SLCO1A2: variants seen among roughly 807,000 people sequenced by gnomAD.
SLCO1A2 encodes the protein OATP-1.
A neutral mutation model predicts 69.0 loss-of-function variants in SLCO1A2; 67 were observed. The ratio of observed to expected loss-of-function variants is 0.97; its 90% CI spans 0.80 to 1.19. The LOEUF (loss-of-function observed/expected upper bound fraction) is 1.19, where lower values mean the gene tolerates loss of function less well. Ranked by LOEUF, SLCO1A2 falls within the 50% of genes most tolerant of loss-of-function variation. SLCO1A2 has a pLI of 0.00. For synonymous variants in SLCO1A2, 260 were observed against 265.9 expected (o/e 0.98, Z 0.22); for missense variants, 787 against 793.7 (o/e 0.99, Z 0.10).
intron 8 of SLCO1A2, among the ~76,000 whole-genome samples, chr12:21,298,969 G>A (rs1306926842): frequency 1.3e-5 from 2 of 152,098 alleles, no homozygotes; most frequent in African/African-American, 4.8e-5. Context: ...ACTTATGGGT[G>A]ATGATAGAAA....
intron 3 of SLCO1A2, among the ~76,000 whole-genome samples, chr12:21,316,683 T>G (rs1307445555): frequency 6.6e-6 from 1 of 152,186 alleles, no homozygotes; most frequent in Non-Finnish European, 1.5e-5. Context: ...CCTTAAATGT[T>G]TGTGCAGCTC....
chr12:21,364,386 T>C (rs1037393378), intron 2 of SLCO1A2, among the ~76,000 whole-genome samples: 1 of 152,204 alleles, frequency 6.6e-6, no homozygotes, highest in Non-Finnish European at 1.5e-5. Context: ...TAGGTATTGA[T>C]GGGATGTATC....
rs151271361 is a variant in SLCO1A2, at chr12:21,352,300, T to A, written c.-62-17591A>T. 1.8e-3 allele frequency among the ~76,000 whole-genome samples: 280 copies of A among 152,260 alleles called. 1 individual carries two copies. Among genetic ancestry groups the A allele is most frequent in the African/African-American group, 6.5e-3 (270 of 41,558 alleles). On this transcript the variant is annotated intron_variant, in intron 2 of 15. Coordinates refer to the SLCO1A2 transcript ENST00000307378. ...GCAGTTAGACAAAATTCTATGAGGT[T>A]TGAGCCATTAAAAGCCCTATAGGGC...
intron 2 of SLCO1A2, among the ~76,000 whole-genome samples, chr12:21,372,536 T>C (rs1278217290): frequency 6.6e-6 from 1 of 152,202 alleles, no homozygotes; most frequent in East Asian, 1.9e-4. Context: ...GGTTTAGATA[T>C]ACCAAAAGTC....
intron 1 of SLCO1A2, among the ~76,000 whole-genome samples, chr12:21,385,966 A>G (rs1473343293): frequency 1.3e-5 from 2 of 152,234 alleles, no homozygotes; most frequent in Non-Finnish European, 2.9e-5. Flanking sequence ...TGGAGTACCC[A>G]GATATTCAAA....
chr12:21,294,403 G>T (rs1041671652), intron 10 of SLCO1A2: 5 of 197,030 alleles, frequency 2.5e-5, no homozygotes, highest in African/African-American at 1.2e-4. Flanking sequence ...ATTAGATCTC[G>T]AAAGATGAAG....
At chr12:21,394,892 T>C (rs1418185278) in intron 1 of SLCO1A2, 1 of 152,206 alleles carries the variant, frequency 6.6e-6, no homozygotes, top group African/African-American at 2.4e-5. Flanking sequence ...ACTATTTCAC[T>C]AACAATTGCT....
chr12:21,338,170 C>T (rs1382889684), upstream of SLCO1A2, among the ~76,000 whole-genome samples: 1 of 151,910 alleles, frequency 6.6e-6, no homozygotes, highest in African/African-American at 2.4e-5. Flanking sequence ...ATGTGGCTAA[C>T]CAGCATTTTC....
chr12:21,330,517 TAA>T, intron 2 of SLCO1A2, among the ~76,000 whole-genome samples: 1 of 151,384 alleles, frequency 6.6e-6, no homozygotes, highest in Admixed American at 6.6e-5. Context: ...TCAAAAAAAA[TAA>T]AATAAAAGTA....
chr12:21,293,345 A>G (rs1947198243), intron 11 of SLCO1A2, among the ~76,000 whole-genome samples: 1 of 152,160 alleles, frequency 6.6e-6, no homozygotes, highest in Admixed American at 6.6e-5. Context: ...CAAAAAAAGA[A>G]TTGTCAACCT....
chr12:21,316,888 G>C (rs1476227953), intron 3 of SLCO1A2, among the ~76,000 whole-genome samples: 1 of 152,162 alleles, frequency 6.6e-6, no homozygotes, highest in Non-Finnish European at 1.5e-5. Context: ...GTCACCAATA[G>C]AAGTTACAGA....
chr12:21,345,836 T>G (rs1953235806), intron 2 of SLCO1A2, among the ~76,000 whole-genome samples: 1 of 152,032 alleles, frequency 6.6e-6, no homozygotes, highest in African/African-American at 2.4e-5. Flanking sequence ...AATATACACA[T>G]TCTCATTAAA....
chr12:21,278,806 A>G (rs751053533), intron 12 of SLCO1A2, among the ~76,000 whole-genome samples: 36 of 152,154 alleles, frequency 2.4e-4, no homozygotes, highest in Non-Finnish European at 5.1e-4. Context: ...AAACATTGAC[A>G]AGCATAAAGA....
intron 2 of SLCO1A2, among the ~76,000 whole-genome samples, chr12:21,350,367 T>A (rs1312261123): frequency 6.6e-6 from 1 of 151,980 alleles, no homozygotes; most frequent in Non-Finnish European, 1.5e-5. Flanking sequence ...TCCAATATTA[T>A]GGAATTATTT....
intron 1 of SLCO1A2, among the ~76,000 whole-genome samples, chr12:21,386,652 T>C (rs889231773): frequency 1.3e-5 from 2 of 152,138 alleles, no homozygotes; most frequent in Non-Finnish European, 2.9e-5. Flanking sequence ...CCATTAAATC[T>C]CTTTTTCTTT....
At chr12:21,319,505 A>C in intron 2 of SLCO1A2, 1 of 1,343,980 alleles carries the variant, frequency 7.4e-7, no homozygotes, top group Non-Finnish European at 1.0e-6. Context: ...GATGCTCTGC[A>C]ACCCTTGAGC....
chr12:21,334,529 C>T (rs1952807268), intron 2 of SLCO1A2, 59 bp downstream of exon 2: 22 of 1,243,058 alleles, frequency 1.8e-5, no homozygotes, highest in Non-Finnish European at 2.2e-5. Context: ...TTTACCAGGA[C>T]TGTCGTATTT....
At chr12:21,388,358 C>A (rs150584928) in intron 1 of SLCO1A2, among the ~76,000 whole-genome samples, 1 of 152,056 alleles carries the variant, frequency 6.6e-6, no homozygotes, top group African/African-American at 2.4e-5. Flanking sequence ...TCCCATAATC[C>A]CCATGTGTCA....
chr12:21,382,331 C>G (rs35286038), intron 1 of SLCO1A2, among the ~76,000 whole-genome samples: 38,035 of 151,624 alleles, frequency 0.25, 5,708 homozygotes, highest in African/African-American at 0.43. Context: ...GATTCAGAAG[C>G]GGGAGGGTGA....
Sources: gnomAD v4.1 joint callset for allele counts (sites outside exome capture counted in the v4.1 genomes callset) on GRCh38, gnomAD v4.1.1 for gene constraint, MANE v1.5 for transcripts, NCBI Gene and HGNC (gene_info 2026-07-23, HGNC 2026-07-21) for gene names.